Variants in AFG2A observed in about 807,000 individuals in gnomAD.
AFG2A encodes AAA ATPase AFG2A.
the AFG2A span, chr4:122,934,137 A>T: frequency 6.2e-7 from 1 of 1,613,354 alleles, no homozygotes; most frequent in Non-Finnish European, 8.5e-7. Flanking sequence ...TGTATTGTAC[A>T]TTCTATGGAC....
At chr4:123,237,174 GA>G in the AFG2A span, among the ~76,000 whole-genome samples, 1 of 152,172 alleles carries the variant, frequency 6.6e-6, no homozygotes, top group African/African-American at 2.4e-5. Context: ...ACTTAGAATG[GA>G]AATAGCCATA....
the AFG2A span, among the ~76,000 whole-genome samples, chr4:123,211,078 A>G: frequency 1.9e-4 from 29 of 152,164 alleles, no homozygotes; most frequent in Non-Finnish European, 4.4e-5. Flanking sequence ...CAATGTCTCC[A>G]AAGAGTTTGA....
the AFG2A span, among the ~76,000 whole-genome samples, chr4:123,093,742 C>G: frequency 0.15 from 22,788 of 152,156 alleles, 2,131 homozygotes; most frequent in East Asian, 0.45. Context: ...GTAAAAATCT[C>G]TGGATACCTG....
the AFG2A span, among the ~76,000 whole-genome samples, chr4:123,126,243 C>CT: frequency 6.6e-6 from 1 of 152,300 alleles, no homozygotes; most frequent in Middle Eastern, 3.4e-3. Flanking sequence ...CCTCTTTCAT[C>CT]TAAAACCATG....
chr4:123,256,159 C>T, the AFG2A span: 16 of 1,613,852 alleles, frequency 9.9e-6, no homozygotes, highest in South Asian at 2.2e-5. Context: ...TCCTTCAAAC[C>T]GACGCATACT....
the AFG2A span, among the ~76,000 whole-genome samples, chr4:122,968,174 T>C: frequency 6.6e-6 from 1 of 152,198 alleles, no homozygotes; most frequent in African/African-American, 2.4e-5. Flanking sequence ...AACTGCAGTT[T>C]ATAATTTCTA....
At chr4:123,218,862 A>C in the AFG2A span, among the ~76,000 whole-genome samples, 53 of 152,348 alleles carry the variant, frequency 3.5e-4, 1 homozygote, top group East Asian at 0.01. Flanking sequence ...ATGCTGGAGA[A>C]TAGGAAATGG....
At chr4:123,306,456 T>C in the AFG2A span, among the ~76,000 whole-genome samples, 1 of 152,168 alleles carries the variant, frequency 6.6e-6, no homozygotes, top group Non-Finnish European at 1.5e-5. Context: ...CACTCTGCTA[T>C]TTTTTTGTCT....
the AFG2A span, among the ~76,000 whole-genome samples, chr4:123,276,418 C>T: frequency 6.6e-6 from 1 of 152,156 alleles, no homozygotes; most frequent in Admixed American, 6.5e-5. Flanking sequence ...ATATTTTCTC[C>T]CATTCTGTAG....
the AFG2A span, among the ~76,000 whole-genome samples, chr4:123,063,169 T>C: frequency 2.0e-5 from 3 of 152,258 alleles, no homozygotes; most frequent in African/African-American, 7.2e-5. Context: ...TTCATTTTTT[T>C]GTTCTTTGGC....
chr4:123,000,366 C>T, the AFG2A span, among the ~76,000 whole-genome samples: 1 of 151,198 alleles, frequency 6.6e-6, no homozygotes, highest in East Asian at 1.9e-4. Context: ...TGAGAGAGGG[C>T]ATCCCTGTCT....
At chr4:123,214,590 T>A in the AFG2A span, among the ~76,000 whole-genome samples, 3 of 151,844 alleles carry the variant, frequency 2.0e-5, no homozygotes, top group Admixed American at 6.6e-5. Context: ...ATAAAAAAAA[T>A]TAAGAAAAAA....
the AFG2A span, among the ~76,000 whole-genome samples, chr4:123,113,003 TG>T: frequency 6.6e-6 from 1 of 152,224 alleles, no homozygotes; most frequent in Admixed American, 6.5e-5. Flanking sequence ...GAGGTTAGTG[TG>T]GAGTCATTCA....
the AFG2A span, among the ~76,000 whole-genome samples, chr4:123,086,832 G>C: frequency 6.6e-6 from 1 of 152,006 alleles, no homozygotes; most frequent in African/African-American, 2.4e-5. Context: ...TGACTAATGA[G>C]CCCATCAGAT....
At chr4:122,979,091 A>C in the AFG2A span, 3 of 928,646 alleles carry the variant, frequency 3.2e-6, no homozygotes, top group Admixed American at 9.0e-5. Flanking sequence ...GGCTTCGTGG[A>C]GTATGCAGCC....
chr4:123,232,959 C>T, the AFG2A span, among the ~76,000 whole-genome samples: 1 of 152,040 alleles, frequency 6.6e-6, no homozygotes, highest in Non-Finnish European at 1.5e-5. Flanking sequence ...CTTGTTACAA[C>T]AACAACAAAG....
chr4:123,283,329 T>C, the AFG2A span, among the ~76,000 whole-genome samples: 1 of 150,418 alleles, frequency 6.6e-6, no homozygotes, highest in South Asian at 2.1e-4. Flanking sequence ...GATTTCATAC[T>C]AGTATAAGTG....
At chr4:123,082,133 A>G in the AFG2A span, among the ~76,000 whole-genome samples, 6 of 152,172 alleles carry the variant, frequency 3.9e-5, no homozygotes, top group Non-Finnish European at 5.9e-5. Context: ...TTTTGTTTTA[A>G]TAATGGCCAG....
the AFG2A span, among the ~76,000 whole-genome samples, chr4:122,956,955 G>C: frequency 6.6e-6 from 1 of 152,142 alleles, no homozygotes; most frequent in Non-Finnish European, 1.5e-5. Flanking sequence ...GAGTTGGACA[G>C]ACTTGCTTTT....
Sources: gnomAD v4.1 joint callset for allele counts (sites outside exome capture counted in the v4.1 genomes callset) on GRCh38, gnomAD v4.1.1 for gene constraint, MANE v1.5 for transcripts, NCBI Gene and HGNC (gene_info 2026-07-23, HGNC 2026-07-21) for gene names.